Variants in FGF14 observed in about 807,000 individuals in gnomAD.
FGF14 encodes fibroblast growth factor homologous factor 4.
Under a neutral mutation model 25.5 loss-of-function variants are expected in FGF14, and 5 were observed. The ratio of observed to expected loss-of-function variants is 0.20; its 90% CI spans 0.10 to 0.41. The LOEUF is 0.41. Among genes scored for constraint, FGF14 ranks in the 10% least tolerant of loss-of-function variants. The pLI, the probability that FGF14 is intolerant of heterozygous loss-of-function variation, is 1.00. For missense variants in FGF14, 222 were observed against 320.1 expected (o/e 0.69, Z 2.34); for synonymous variants, 138 against 118.3 (o/e 1.17, Z -1.08).
At chr13:101,984,902 A>G (rs1672044290) in intron 1 of FGF14, among the ~76,000 whole-genome samples, 1 of 152,152 alleles carries the variant, frequency 6.6e-6, no homozygotes, top group African/African-American at 2.4e-5. Context: ...AAGCATAAAA[A>G]TATTCTTAAA....
In FGF14 at chr13:102,323,546, T is replaced by C. The variant is rs372736302; in HGVS notation, c.208+77925A>G. On this transcript the variant is annotated intron_variant, in intron 1 of 4. Coordinates refer to the FGF14 transcript ENST00000376131. ...ATCAAAAGCTTATCTCAGAGACAAA[T>C]TGAAATCATATCATTTGTGTAGTAA... Among the ~76,000 whole-genome samples, 277 of 152,314 alleles carry C rather than the reference T, an allele frequency of 1.8e-3. 1 individual carries two copies. Among genetic ancestry groups the C allele is most frequent in the African/African-American group, 5.6e-3 (233 of 41,568 alleles).
At chr13:101,928,103 G>A (rs2034494475) in intron 1 of FGF14, among the ~76,000 whole-genome samples, 1 of 152,222 alleles carries the variant, frequency 6.6e-6, no homozygotes, top group Admixed American at 6.5e-5. Context: ...AGAGGCTTGT[G>A]GAGTTCTGGA....
chr13:101,727,217 T>C lies in FGF14; in HGVS notation c.409-407A>G, dbSNP rs118188854. Among the ~76,000 whole-genome samples the C allele has an allele frequency of 3.5e-4, 53 of 152,244 alleles. 1 individual carries two copies. The East Asian group carries it at 9.5e-3, about 27-fold the overall frequency. On this transcript the variant is annotated intron_variant, in intron 3 of 4. Transcript: ENST00000376143. ...ACATGTTTCCATAGGAACAGTGATA[T>C]AATACTCTACAGTTGCCAGTTGCTC...
chr13:101,918,178 GC>G (rs2033718273), upstream of FGF14, among the ~76,000 whole-genome samples: 1 of 152,188 alleles, frequency 6.6e-6, no homozygotes, highest in Non-Finnish European at 1.5e-5. Context: ...AAGAGAAAGG[GC>G]GGCAGTGGAG....
At chr13:102,384,072 T>G (rs1026595707) in intron 1 of FGF14, among the ~76,000 whole-genome samples, 1 of 152,220 alleles carries the variant, frequency 6.6e-6, no homozygotes, top group Non-Finnish European at 1.5e-5. Flanking sequence ...TTTTCAATGT[T>G]TGTTTTTTCT....
In FGF14 at chr13:102,269,715, T is replaced by C. The variant is rs181335834; in HGVS notation, c.208+131756A>G. Among the ~76,000 whole-genome samples the C allele has an allele frequency of 2.8e-4, 43 of 152,144 alleles. No individual in the cohort carries two copies. In the East Asian group the frequency reaches 4.5e-3, roughly 16 times the overall value. On this transcript the variant is annotated intron_variant, in intron 1 of 4. Coordinates refer to the FGF14 transcript ENST00000376131. ...CCACCCTGGCAATCTTTAACACAAG[T>C]TGATGGAAGTCAGATGTGGTGGCAC...
chr13:102,156,663 C>A (rs1009809785), intron 1 of FGF14, among the ~76,000 whole-genome samples: 7 of 152,026 alleles, frequency 4.6e-5, no homozygotes, highest in African/African-American at 1.7e-4. Context: ...CTGGCCAGGG[C>A]AATTAGGCAG....
intron 3 of FGF14, among the ~76,000 whole-genome samples, chr13:101,805,659 G>C (rs2041154675): frequency 6.6e-6 from 1 of 152,028 alleles, no homozygotes; most frequent in South Asian, 2.1e-4. Context: ...TTCTTTTTAA[G>C]AACAATTTTG....
chr13:102,181,173 G>T (rs2048657425), intron 1 of FGF14, among the ~76,000 whole-genome samples: 1 of 152,044 alleles, frequency 6.6e-6, no homozygotes, highest in South Asian at 2.1e-4. Context: ...TAAACAGAAT[G>T]TTATTTTTTA....
chr13:101,741,988 T>C (rs566272995), intron 3 of FGF14, among the ~76,000 whole-genome samples: 1 of 152,124 alleles, frequency 6.6e-6, no homozygotes, highest in African/African-American at 2.4e-5. Flanking sequence ...CTAAATCAGG[T>C]GAGGGGTCAG....
intron 1 of FGF14, among the ~76,000 whole-genome samples, chr13:102,289,814 A>C (rs1421209820): frequency 6.6e-6 from 1 of 152,116 alleles, no homozygotes; most frequent in Non-Finnish European, 1.5e-5. Flanking sequence ...TCACTGCTAA[A>C]TAATTTATGG....
At chr13:101,869,241 A>G (rs1250935251) in intron 2 of FGF14, among the ~76,000 whole-genome samples, 1 of 152,196 alleles carries the variant, frequency 6.6e-6, no homozygotes, top group Admixed American at 6.5e-5. Context: ...TGTCATTGCA[A>G]TGAGGTCAGG....
intron 3 of FGF14, among the ~76,000 whole-genome samples, chr13:101,822,638 A>G (rs970707454): frequency 3.3e-5 from 5 of 152,128 alleles, no homozygotes; most frequent in African/African-American, 9.7e-5. Flanking sequence ...AGTACATATG[A>G]TATTTTGATA....
At chr13:102,343,362 G>A (rs2057010591) in intron 1 of FGF14, among the ~76,000 whole-genome samples, 1 of 152,138 alleles carries the variant, frequency 6.6e-6, no homozygotes, top group South Asian at 2.1e-4. Flanking sequence ...AGGTAGACAG[G>A]GATGACTGCA....
At chr13:101,847,098 C>A (rs2043503429) in intron 3 of FGF14, among the ~76,000 whole-genome samples, 1 of 151,946 alleles carries the variant, frequency 6.6e-6, no homozygotes, top group Admixed American at 6.6e-5. Flanking sequence ...TTCTACCTAG[C>A]CAACTTTGAG....
intron 1 of FGF14, among the ~76,000 whole-genome samples, chr13:102,069,472 C>G (rs2043062095): frequency 6.6e-6 from 1 of 152,282 alleles, no homozygotes; most frequent in East Asian, 1.9e-4. Flanking sequence ...TTCTTTCGCT[C>G]TTTGCAATAA....
chr13:101,892,869 A>G (rs1403708634), intron 1 of FGF14, among the ~76,000 whole-genome samples: 2 of 152,198 alleles, frequency 1.3e-5, no homozygotes, highest in Non-Finnish European at 2.9e-5. Flanking sequence ...ATGAGGATGG[A>G]AAAGATGGCC....
intron 1 of FGF14, among the ~76,000 whole-genome samples, chr13:102,189,095 A>G (rs1419127114): frequency 6.6e-6 from 1 of 150,820 alleles, no homozygotes; most frequent in African/African-American, 2.5e-5. Flanking sequence ...AAAGAGAGAA[A>G]GGAGGGAGAG....
chr13:102,147,940 T>C (rs936209007), intron 1 of FGF14, among the ~76,000 whole-genome samples: 2 of 152,204 alleles, frequency 1.3e-5, no homozygotes, highest in African/African-American at 4.8e-5. Flanking sequence ...CACACACACA[T>C]AAGTAATAAT....
Sources: gnomAD v4.1 joint callset for allele counts (sites outside exome capture counted in the v4.1 genomes callset) on GRCh38, gnomAD v4.1.1 for gene constraint, MANE v1.5 for transcripts, NCBI Gene and HGNC (gene_info 2026-07-23, HGNC 2026-07-21) for gene names.